Variants in ILRUN observed in about 807,000 individuals in gnomAD.
ILRUN encodes protein ILRUN.
A neutral mutation model predicts 33.8 loss-of-function variants in ILRUN; 3 were observed. That is an observed-to-expected ratio of 0.09 (90% CI 0.04 to 0.23). ILRUN has a LOEUF of 0.23. Among genes scored for constraint, ILRUN ranks in the 10% least tolerant of loss-of-function variants. The pLI is 1.00. For synonymous variants in ILRUN, 124 were observed against 138.9 expected (o/e 0.89, Z 0.75); for missense variants, 210 against 375.1 (o/e 0.56, Z 3.64).
intron 3 of ILRUN, among the ~76,000 whole-genome samples, chr6:34,641,766 T>G (rs114463347): frequency 6.0e-4 from 92 of 152,138 alleles, no homozygotes; most frequent in African/African-American, 2.0e-3. Flanking sequence ...AAGTTAAAAT[T>G]AGGGGTTTAA....
intron 1 of ILRUN, among the ~76,000 whole-genome samples, chr6:34,668,526 G>A (rs1252809776): frequency 2.6e-5 from 4 of 152,038 alleles, no homozygotes; most frequent in Non-Finnish European, 2.9e-5. Flanking sequence ...TTCTTGTTAC[G>A]TGGTGCCACC....
At chr6:34,668,188 A>G (rs556813957) in intron 1 of ILRUN, among the ~76,000 whole-genome samples, 8 of 152,352 alleles carry the variant, frequency 5.3e-5, no homozygotes, top group African/African-American at 1.9e-4. Context: ...AATGGTAATT[A>G]CTTTGGAAAA....
At chr6:34,620,440 C>A (rs1182778370) in intron 3 of ILRUN, among the ~76,000 whole-genome samples, 1 of 152,130 alleles carries the variant, frequency 6.6e-6, no homozygotes, top group African/African-American at 2.4e-5. Flanking sequence ...GTCTGAGGAT[C>A]GGGTATGTCT....
chr6:34,613,046 GA>G lies in ILRUN; in HGVS notation c.512-6143del, dbSNP rs11380323. ...CAACAGTGCGAGACTCCGTCTCAAG[GA>G]AAAAAAAAAAAAAATTTGTTACATG... On this transcript the variant is annotated intron_variant, in intron 3 of 4. Coordinates refer to ENST00000374023, the MANE Select transcript of ILRUN (RefSeq NM_024294.4). Among the ~76,000 whole-genome samples, 368 of 140,982 alleles carry G rather than the reference GA, an allele frequency of 2.6e-3. 1 individual carries two copies. The highest frequency in any genetic ancestry group is 3.6e-3 in the Middle Eastern group (1 of 278). The allele number at this position is 140,982 out of a possible 152,430, so 92.5% of individuals were successfully genotyped here.
intron 4 of ILRUN, among the ~76,000 whole-genome samples, chr6:34,599,236 G>C (rs905271885): frequency 6.6e-6 from 1 of 152,190 alleles, no homozygotes; most frequent in East Asian, 1.9e-4. Context: ...TTTTTCAAAT[G>C]AGGATTATAA....
chr6:34,651,176 T>C (rs996754407), intron 2 of ILRUN, among the ~76,000 whole-genome samples: 8 of 152,162 alleles, frequency 5.3e-5, no homozygotes, highest in African/African-American at 1.9e-4. Context: ...AAAACTACTC[T>C]ACAGCTGGGG....
At chr6:34,635,569 G>GGAAGGAAGGAAGGA (rs1562011652) in intron 3 of ILRUN, among the ~76,000 whole-genome samples, 5 of 110,876 alleles carry the variant, frequency 4.5e-5, no homozygotes, top group African/African-American at 1.2e-4. Flanking sequence ...GGAAGGAAGG[G>GGAAGGAAGGAAGGA]AGGGAGGGAG....
chr6:34,649,413 T>A (rs1434315843), intron 2 of ILRUN, among the ~76,000 whole-genome samples: 1 of 152,206 alleles, frequency 6.6e-6, no homozygotes, highest in Non-Finnish European at 1.5e-5. Context: ...GGGGGATAGA[T>A]TTCTATCTAG....
At chr6:34,613,237 C>A (rs777881732) in intron 3 of ILRUN, among the ~76,000 whole-genome samples, 46 of 151,896 alleles carry the variant, frequency 3.0e-4, no homozygotes, top group Non-Finnish European at 6.0e-4. Context: ...ACAACAACAA[C>A]AACAACAACA....
chr6:34,652,030 G>C (rs1190739772), intron 2 of ILRUN, among the ~76,000 whole-genome samples: 2 of 152,026 alleles, frequency 1.3e-5, no homozygotes, highest in East Asian at 3.9e-4. Context: ...GACCTCAAGT[G>C]ATCTGCCCAC....
At chr6:34,691,312 T>C (rs569865941) in intron 1 of ILRUN, among the ~76,000 whole-genome samples, 1 of 152,346 alleles carries the variant, frequency 6.6e-6, no homozygotes, top group South Asian at 2.1e-4. Flanking sequence ...CTACAAGTCA[T>C]TTCAATTTGG....
At chr6:34,657,382 A>G (rs756292746) in intron 1 of ILRUN, among the ~76,000 whole-genome samples, 2 of 152,236 alleles carry the variant, frequency 1.3e-5, no homozygotes, top group Non-Finnish European at 2.9e-5. Context: ...CAGTAGGAAC[A>G]CTAGTAAGTG....
At chr6:34,655,974 C>T (rs1762762892) in intron 1 of ILRUN, among the ~76,000 whole-genome samples, 1 of 152,058 alleles carries the variant, frequency 6.6e-6, no homozygotes, top group South Asian at 2.1e-4. Context: ...GTGGCTCACG[C>T]CTGTAATCCC....
Position 34,662,638 on chromosome 6 carries a change from G to A in ILRUN, c.159-7859C>T, listed in dbSNP as rs376485131. Among the ~76,000 whole-genome samples the A allele has an allele frequency of 5.2e-4, 79 of 152,326 alleles. No homozygotes were observed. The South Asian group carries it at 0.011, about 21-fold the overall frequency. Reference sequence around the variant, plus strand: ...ATTTTATGCTAAGTGAAATAAGTCCGTCACAAAGGTCAAATACTTACATGG... The same window carrying A: ...ATTTTATGCTAAGTGAAATAAGTCCATCACAAAGGTCAAATACTTACATGG... On this transcript the variant is annotated intron_variant, in intron 1 of 4. Coordinates refer to ENST00000374023, the MANE Select transcript of ILRUN (RefSeq NM_024294.4).
At chr6:34,629,650 G>C (rs1762205035) in intron 3 of ILRUN, among the ~76,000 whole-genome samples, 1 of 151,978 alleles carries the variant, frequency 6.6e-6, no homozygotes, top group African/African-American at 2.4e-5. Flanking sequence ...CATTTTCTGG[G>C]CATTATCCTG....
chr6:34,695,697 C>T (rs1279918247), intron 1 of ILRUN, among the ~76,000 whole-genome samples: 1 of 151,912 alleles, frequency 6.6e-6, no homozygotes, highest in Non-Finnish European at 1.5e-5. Context: ...GTTCCTTCCC[C>T]CAAGATCATC....
At position 34,591,500 on chromosome 6, in the gene ILRUN, T is replaced by A. The variant is rs1416815266; in HGVS notation, c.862-900A>T. ...GCAACAGAGCGAAATCCTGTCTCAA[T>A]TTTTTTTTTTTTTTTTGGAGATGGA... On this transcript the variant is annotated intron_variant, in intron 4 of 4. Coordinates refer to ENST00000374023, the MANE Select transcript of ILRUN (RefSeq NM_024294.4). Among the ~76,000 whole-genome samples, 3 of 76,808 alleles carry A rather than the reference T, an allele frequency of 3.9e-5. No homozygotes were observed. The East Asian group carries it at 1.5e-3, about 39-fold the overall frequency. The allele number at this position is 76,808 out of a possible 152,430, so 50.4% of individuals were successfully genotyped here. A position where few individuals can be genotyped will look rare whatever the true frequency, so the allele number is the denominator to read the frequency against.
intron 1 of ILRUN, among the ~76,000 whole-genome samples, chr6:34,678,571 G>A (rs987407765): frequency 1.3e-5 from 2 of 151,868 alleles, no homozygotes; most frequent in African/African-American, 4.8e-5. Flanking sequence ...ATTTCAGCCA[G>A]GCGAGGTGGC....
intron 4 of ILRUN, among the ~76,000 whole-genome samples, chr6:34,603,919 A>G (rs1761571462): frequency 6.6e-6 from 1 of 152,198 alleles, no homozygotes; most frequent in Non-Finnish European, 1.5e-5. Context: ...GAGCCCTAAG[A>G]GCTAGAGTGG....
Sources: allele counts gnomAD v4.1 joint callset (sites outside exome capture counted in the v4.1 genomes callset), GRCh38; gene constraint gnomAD v4.1.1; transcripts MANE v1.5; gene names NCBI Gene and HGNC (gene_info 2026-07-23, HGNC 2026-07-21).